H2AC7: variants seen among roughly 807,000 people sequenced by gnomAD.
H2AC7 encodes histone H2A type 1-D.
In H2AC7, 15 loss-of-function variants were observed where a neutral mutation model predicts 8.3. The observed-to-expected ratio is 1.81, with a 90% CI of 1.21 to 2.79. The LOEUF (loss-of-function observed/expected upper bound fraction) is 2.79. Among genes scored for constraint, H2AC7 ranks in the 30% most tolerant of loss-of-function variants. The probability of loss-of-function intolerance (pLI) is 0.00; values close to 1 mark genes in which losing one functional copy is unlikely to be tolerated. For synonymous variants in H2AC7, 168 were observed against 80.1 expected (o/e 2.10, Z -5.86); for missense variants, 283 against 175.2 (o/e 1.62, Z -3.47).
In H2AC7 at chr6:26,199,052, C is replaced by T. The variant is rs374706369; in HGVS notation, c.192G>A (p.Leu64=). Residue 64 remains leucine (L), a synonymous_variant, in exon 1 of 1, where the codon CTG becomes CTA. Transcript: ENST00000341023. ...CGCGGGCGGCGTTGCCCGCCAGCTCCAGGATCTCGGCGGTCAGGTACTCCA... is the reference window on the plus strand; with the variant it reads ...CGCGGGCGGCGTTGCCCGCCAGCTCTAGGATCTCGGCGGTCAGGTACTCCA... ...AVLEYLTAEI[L]ELAGNAARDN... The T allele has an allele frequency of 1.2e-6, 2 of 1,614,208 alleles. No individual in the cohort carries two copies. The highest frequency in any genetic ancestry group is 1.3e-5 in the African/African-American group (1 of 75,064).
In H2AC7 at chr6:26,198,827, A is replaced by G. The variant is rs1252396417; in HGVS notation, c.*24T>C. 5 of 1,602,744 alleles carry G rather than the reference A, an allele frequency of 3.1e-6. No homozygotes were observed. The highest frequency in any genetic ancestry group is 2.2e-5 in the East Asian group (1 of 44,842). On this transcript the variant is annotated 3_prime_UTR_variant, in exon 1 of 1. Transcript: ENST00000341023. ...GCCTTTGTTAAGACTGCTTCCTTAA[A>G]AAGCCAATATAAGAGTTCTCGTTTT...
chr6:26,198,861 T>A lies in H2AC7; in HGVS notation c.383A>T (p.Lys128Met). 6.2e-7 allele frequency: 1 copy of A among 1,613,484 alleles called. No individual in the cohort carries two copies. The highest frequency in any genetic ancestry group is 2.2e-5 in the East Asian group (1 of 44,884). ...PKKTESHHKA[K>M]GK ...ATAAGAGTTCTCGTTTTACTTGCCC[T>A]TGGCCTTGTGGTGACTCTCAGTCTT... Residue 128 changes from lysine (K) to methionine (M), a missense_variant, in exon 1 of 1, where the codon AAG (lysine) becomes ATG (methionine). By Grantham distance (95) the Lys-to-Met change is moderately conservative (BLOSUM62 -1). Coordinates refer to ENST00000341023, the MANE Select transcript of H2AC7 (RefSeq NM_021065.3).
At position 26,199,289 on chromosome 6, in the gene H2AC7, A is replaced by G. The variant is rs770430230; in HGVS notation, c.-46T>C. On this transcript the variant is annotated 5_prime_UTR_variant, in exon 1 of 1. Transcript: ENST00000341023. ...GTTAAGCAATGAAGACAAAAATGTA[A>G]AAGTGAATTTTGTTAGCAAGTGAGA... 1.3e-6 allele frequency: 2 copies of G among 1,568,864 alleles called. No homozygotes were observed. Among genetic ancestry groups the G allele is most frequent in the Non-Finnish European group, 1.7e-6 (2 of 1,163,734 alleles).
In H2AC7 at chr6:26,199,133, C is replaced by A. The variant is rs767965602; in HGVS notation, c.111G>T (p.Lys37Asn). 1 of 1,614,246 alleles carries A rather than the reference C, an allele frequency of 6.2e-7. No homozygotes were observed. Among genetic ancestry groups the A allele is most frequent in the East Asian group, 2.2e-5 (1 of 44,882 alleles). The change falls in exon 1 of 1, where the codon AAG becomes AAT. Residue 37 changes from lysine to asparagine, a missense_variant. Coordinates refer to ENST00000341023, the MANE Select transcript of H2AC7 (RefSeq NM_021065.3). The stretch of plus-strand genomic sequence containing the variant: ...CCCCGACTCGCTCGGAGTAGTTGCC[C>A]TTGCGGAGCAAGCGGTGTACGCGGC... ...PVGRVHRLLRKGNYSERVGAG... is the reference protein window; with the variant it reads ...PVGRVHRLLRNGNYSERVGAG...
chr6:26,199,261 G>C lies in H2AC7; in HGVS notation c.-18C>G. 6.3e-7 allele frequency: 1 copy of C among 1,587,422 alleles called. No homozygotes were observed. The highest frequency in any genetic ancestry group is 1.2e-5 in the South Asian group (1 of 86,228). On this transcript the variant is annotated 5_prime_UTR_variant, in exon 1 of 1. It adds an upstream start codon to the 5' untranslated region. Coordinates refer to ENST00000341023, the MANE Select transcript of H2AC7 (RefSeq NM_021065.3). Reference sequence around the variant, plus strand: ...CCGGACATTTTGAATTCTTAAAAACGATGTTAAGCAATGAAGACAAAAATG... The same window carrying C: ...CCGGACATTTTGAATTCTTAAAAACCATGTTAAGCAATGAAGACAAAAATG...
At position 26,199,053 on chromosome 6, in the gene H2AC7, AG is replaced by A. The variant is rs1765060219; in HGVS notation, c.190del (p.Leu64TrpfsTer31). Reference protein sequence around the residue: ...AVLEYLTAEILELAGNAARDN... With the variant: ...AVLEYLTAEIXELAGNAARDN... Reference sequence around the variant, plus strand: ...GCGGGCGGCGTTGCCCGCCAGCTCCAGGATCTCGGCGGTCAGGTACTCCAAC... The same window carrying A: ...GCGGGCGGCGTTGCCCGCCAGCTCCAGATCTCGGCGGTCAGGTACTCCAAC... On this transcript the variant is annotated frameshift_variant, in exon 1 of 1. Coordinates refer to ENST00000341023, the MANE Select transcript of H2AC7 (RefSeq NM_021065.3). LOFTEE classifies it high-confidence loss of function. The A allele has an allele frequency of 6.2e-7, 1 of 1,613,976 alleles. No individual in the cohort carries two copies.
In H2AC7 at chr6:26,199,238, G is replaced by A. The variant is rs369326335; in HGVS notation, c.6C>T (p.Ser2=). 5.7e-5 allele frequency: 91 copies of A among 1,594,814 alleles called. No individual in the cohort carries two copies. The East Asian group carries it at 6.7e-4, about 12-fold the overall frequency. ...CCTTTCCGCCTTGCTTGCCGCGTCC[G>A]GACATTTTGAATTCTTAAAAACGAT... M[S]GRGKQGGKAR... Residue 2 remains serine, a synonymous_variant, in exon 1 of 1, where the codon TCC becomes TCT. Transcript: ENST00000341023.
Position 26,199,112 on chromosome 6 carries a change from G to A in H2AC7, c.132C>T (p.Val44=), listed in dbSNP as rs776440489. The A allele has an allele frequency of 2.5e-5, 41 of 1,614,052 alleles. No individual in the cohort carries two copies. The highest frequency in any genetic ancestry group is 2.2e-4 in the South Asian group (20 of 91,086). The part of the protein sequence containing the change: ...LLRKGNYSER[V]GAGAPVYLAA... ...CCAGATACACTGGCGCGCCGGCCCC[G>A]ACTCGCTCGGAGTAGTTGCCCTTGC... The change falls in exon 1 of 1, where the codon GTC becomes GTT. Residue 44 remains valine (V), a synonymous_variant. Coordinates refer to ENST00000341023, the MANE Select transcript of H2AC7 (RefSeq NM_021065.3).
rs140533379 is a variant in H2AC7, at chr6:26,199,171, G to A, written c.73C>T (p.Gln25Ter). The change falls in exon 1 of 1, where the codon CAG (glutamine) becomes TAG (stop). Residue 25 changes from glutamine to a stop codon, truncating the protein, a stop_gained. Transcript: ENST00000341023. LOFTEE classifies it high-confidence loss of function. The part of the protein sequence containing the change: ...AKTRSSRAGL[Q>*]FPVGRVHRLL... ...CGGTGTACGCGGCCCACAGGGAACT[G>A]GAGTCCGGCCCGCGAAGAGCGGGTC... 135 of 1,614,158 alleles carry A rather than the reference G, an allele frequency of 8.4e-5. No individual in the cohort carries two copies. The highest frequency in any genetic ancestry group is 1.1e-4 in the Non-Finnish European group (124 of 1,180,004).
Position 26,199,007 on chromosome 6 carries a change from G to T in H2AC7, c.237C>A (p.Ile79=). The T allele has an allele frequency of 6.2e-7, 1 of 1,614,174 alleles. No homozygotes were observed. Among genetic ancestry groups the T allele is most frequent in the Middle Eastern group, 1.7e-4 (1 of 6,056 alleles). The change falls in exon 1 of 1, where the codon ATC becomes ATA. Residue 79 remains isoleucine (I), a synonymous_variant. Transcript: ENST00000341023. ...NAARDNKKTR[I]IPRHLQLAIR... is the part of the protein sequence containing the mutation. Reference sequence around the variant, plus strand: ...TGGCCAGCTGCAGGTGTCGGGGGATGATGCGGGTCTTCTTGTTGTCGCGGG... The same window carrying T: ...TGGCCAGCTGCAGGTGTCGGGGGATTATGCGGGTCTTCTTGTTGTCGCGGG...
In H2AC7 at chr6:26,199,279, C is replaced by A. The variant is rs781161694; in HGVS notation, c.-36G>T. 8 of 1,576,656 alleles carry A rather than the reference C, an allele frequency of 5.1e-6. No individual in the cohort carries two copies. Among genetic ancestry groups the A allele is most frequent in the African/African-American group, 2.8e-5 (2 of 72,496 alleles). The stretch of plus-strand genomic sequence containing the variant: ...TAAAAACGATGTTAAGCAATGAAGA[C>A]AAAAATGTAAAAGTGAATTTTGTTA... On this transcript the variant is annotated 5_prime_UTR_variant, in exon 1 of 1. Coordinates refer to ENST00000341023, the MANE Select transcript of H2AC7 (RefSeq NM_021065.3).
In H2AC7 at chr6:26,199,120, C is replaced by T; in HGVS notation, c.124G>A (p.Glu42Lys). The T allele has an allele frequency of 1.2e-6, 2 of 1,614,204 alleles. No homozygotes were observed. Among genetic ancestry groups the T allele is most frequent in the East Asian group, 2.2e-5 (1 of 44,880 alleles). Residue 42 changes from glutamate (E) to lysine (K), a missense_variant, in exon 1 of 1, where the codon GAG becomes AAG. Physicochemically the swap from Glu to Lys is moderately conservative, Grantham distance 56 (BLOSUM62 1). Coordinates refer to ENST00000341023, the MANE Select transcript of H2AC7 (RefSeq NM_021065.3). ...HRLLRKGNYS[E>K]RVGAGAPVYL... Reference sequence around the variant, plus strand: ...ACTGGCGCGCCGGCCCCGACTCGCTCGGAGTAGTTGCCCTTGCGGAGCAAG... The same window carrying T: ...ACTGGCGCGCCGGCCCCGACTCGCTTGGAGTAGTTGCCCTTGCGGAGCAAG...
rs1189059173 is a variant in H2AC7 at position 26,199,067 on chromosome 6, C to G, written c.177G>C (p.Leu59=). The G allele has an allele frequency of 1.9e-6, 3 of 1,614,084 alleles. No homozygotes were observed. Among genetic ancestry groups the G allele is most frequent in the Non-Finnish European group, 1.7e-6 (2 of 1,180,048 alleles). Residue 59 remains leucine, a synonymous_variant, in exon 1 of 1, where the codon CTG becomes CTC. Transcript: ENST00000341023. ...CCGCCAGCTCCAGGATCTCGGCGGT[C>G]AGGTACTCCAACACCGCCGCCAGAT... ...PVYLAAVLEY[L]TAEILELAGN...
chr6:26,198,874 GAC>G lies in H2AC7; in HGVS notation c.368_369del (p.Ser123ThrfsTer?), dbSNP rs1561981639. 3.7e-6 allele frequency: 6 copies of G among 1,613,968 alleles called. No homozygotes were observed. In the Middle Eastern group the frequency reaches 4.9e-4, roughly 133 times the overall value. On this transcript the variant is annotated frameshift_variant, in exon 1 of 1. Transcript: ENST00000341023. LOFTEE classifies it high-confidence loss of function. ...TTTTACTTGCCCTTGGCCTTGTGGT[GAC>G]TCTCAGTCTTCTTGGGGAGCAGTAC... ...QAVLLPKKTE[S>X]HHKAKGK
chr6:26,199,031 G>T lies in H2AC7; in HGVS notation c.213C>A (p.Ala71=). 2 of 1,614,148 alleles carry T rather than the reference G, an allele frequency of 1.2e-6. No homozygotes were observed. Among genetic ancestry groups the T allele is most frequent in the Non-Finnish European group, 1.7e-6 (2 of 1,180,024 alleles). ...AEILELAGNA[A]RDNKKTRIIP... ...TGATGCGGGTCTTCTTGTTGTCGCG[G>T]GCGGCGTTGCCCGCCAGCTCCAGGA... The change falls in exon 1 of 1, where the codon GCC becomes GCA. Residue 71 remains alanine, a synonymous_variant. Transcript: ENST00000341023.
Position 26,199,060 on chromosome 6 carries a change from C to A in H2AC7, c.184G>T (p.Glu62Ter), listed in dbSNP as rs377604459. 1.9e-6 allele frequency: 3 copies of A among 1,614,212 alleles called. No homozygotes were observed. The highest frequency in any genetic ancestry group is 2.5e-6 in the Non-Finnish European group (3 of 1,180,032). ...GCGTTGCCCGCCAGCTCCAGGATCT[C>A]GGCGGTCAGGTACTCCAACACCGCC... ...LAAVLEYLTA[E>*]ILELAGNAAR... Residue 62 changes from glutamate (E) to a stop codon, truncating the protein, a stop_gained, in exon 1 of 1, where the codon GAG (glutamate) becomes TAG (stop). Transcript: ENST00000341023. LOFTEE classifies it high-confidence loss of function.
At position 26,199,123 on chromosome 6, in the gene H2AC7, A is replaced by G; in HGVS notation, c.121T>C (p.Ser41Pro). The G allele has an allele frequency of 1.9e-6, 3 of 1,614,160 alleles. No homozygotes were observed. The highest frequency in any genetic ancestry group is 2.2e-5 in the South Asian group (2 of 91,076). ...VHRLLRKGNY[S>P]ERVGAGAPVY... ...GGCGCGCCGGCCCCGACTCGCTCGG[A>G]GTAGTTGCCCTTGCGGAGCAAGCGG... Residue 41 changes from serine to proline, a missense_variant, in exon 1 of 1, where the codon TCC becomes CCC. By Grantham distance (74) the Ser-to-Pro change is moderately conservative. Coordinates refer to ENST00000341023, the MANE Select transcript of H2AC7 (RefSeq NM_021065.3).
rs148382721 is a variant in H2AC7 at position 26,199,109 on chromosome 6, C to T, written c.135G>A (p.Gly45=). The T allele has an allele frequency of 2.3e-5, 37 of 1,614,076 alleles. No homozygotes were observed. The highest frequency in any genetic ancestry group is 3.0e-5 in the Non-Finnish European group (35 of 1,180,036). ...LRKGNYSERV[G]AGAPVYLAAV... ...CCGCCAGATACACTGGCGCGCCGGC[C>T]CCGACTCGCTCGGAGTAGTTGCCCT... is the stretch of plus-strand genomic sequence containing the variant. The change falls in exon 1 of 1, where the codon GGG becomes GGA. Residue 45 remains glycine, a synonymous_variant. Transcript: ENST00000341023.
Position 26,199,274 on chromosome 6 carries a change from G to A in H2AC7, c.-31C>T, listed in dbSNP as rs764442578. On this transcript the variant is annotated 5_prime_UTR_variant, in exon 1 of 1. Transcript: ENST00000341023. ...ATTCTTAAAAACGATGTTAAGCAAT[G>A]AAGACAAAAATGTAAAAGTGAATTT... is the stretch of plus-strand genomic sequence containing the variant. 40 of 1,579,810 alleles carry A rather than the reference G, an allele frequency of 2.5e-5. No individual in the cohort carries two copies. The highest frequency in any genetic ancestry group is 3.2e-5 in the Non-Finnish European group (37 of 1,170,424).
Sources: gnomAD v4.1 joint callset for allele counts on GRCh38, gnomAD v4.1.1 for gene constraint, MANE v1.5 for transcripts, NCBI Gene and HGNC (gene_info 2026-07-23, HGNC 2026-07-21) for gene names.